The following NOS1AP variants were observed in gnomAD, a reference collection of about 807,000 sequenced individuals.
NOS1AP encodes carboxyl-terminal PDZ ligand of neuronal nitric oxide synthase protein.
NOS1AP carries 21 observed loss-of-function variants against 56.2 expected under a neutral mutation model. The ratio of observed to expected loss-of-function variants is 0.37; its 90% confidence interval spans 0.26 to 0.54. The LOEUF is 0.54. Ranked by LOEUF, NOS1AP falls within the 20% of genes least tolerant of loss-of-function variation. NOS1AP has a pLI of 0.84. For missense variants in NOS1AP, 522 were observed against 657.8 expected (o/e 0.79, Z 2.26); for synonymous variants, 270 against 274.6 (o/e 0.98, Z 0.17).
At chr1:162,131,734 AT>A (rs942019218) in intron 1 of NOS1AP, among the ~76,000 whole-genome samples, 4 of 149,148 alleles carry the variant, frequency 2.7e-5, no homozygotes, top group Admixed American at 1.3e-4. Context: ...ATAAGGCGGC[AT>A]TTTTTTTTTC....
intron 2 of NOS1AP, among the ~76,000 whole-genome samples, chr1:162,246,709 C>A (rs1320774793): frequency 6.6e-6 from 1 of 152,116 alleles, no homozygotes; most frequent in East Asian, 1.9e-4. Context: ...CTCTTGGCCT[C>A]AGTTTTTTAA....
At chr1:162,168,035 T>G (rs1316715772) in intron 2 of NOS1AP, among the ~76,000 whole-genome samples, 1 of 151,558 alleles carries the variant, frequency 6.6e-6, no homozygotes, top group Non-Finnish European at 1.5e-5. Context: ...ATAGCAAGTC[T>G]ACATTGATGT....
At chr1:162,187,225 C>T (rs1651466375) in intron 2 of NOS1AP, among the ~76,000 whole-genome samples, 1 of 152,148 alleles carries the variant, frequency 6.6e-6, no homozygotes, top group South Asian at 2.1e-4. Context: ...CCTAGGCCTC[C>T]CAAAGTGCTA....
intron 2 of NOS1AP, among the ~76,000 whole-genome samples, chr1:162,259,305 T>C (rs913495536): frequency 6.6e-6 from 1 of 152,222 alleles, no homozygotes; most frequent in Non-Finnish European, 1.5e-5. Flanking sequence ...TTGCAAACCC[T>C]TGACAGAATG....
intron 4 of NOS1AP, among the ~76,000 whole-genome samples, chr1:162,319,530 C>G (rs1656343164): frequency 6.6e-6 from 1 of 152,182 alleles, no homozygotes; most frequent in Non-Finnish European, 1.5e-5. Flanking sequence ...CCTGCAATCC[C>G]TGTACCCAGG....
At chr1:162,181,031 ACAGTGCAATTTC>A (rs1651240267) in intron 2 of NOS1AP, among the ~76,000 whole-genome samples, 1 of 152,236 alleles carries the variant, frequency 6.6e-6, no homozygotes, top group African/African-American at 2.4e-5. Flanking sequence ...ATCTGGCAGT[ACAGTGCAATTTC>A]CATGCAAATG....
intron 1 of NOS1AP, among the ~76,000 whole-genome samples, chr1:162,097,586 A>G (rs912374205): frequency 6.6e-6 from 1 of 152,092 alleles, no homozygotes; most frequent in Admixed American, 6.5e-5. Context: ...TTTTTTCTCT[A>G]TGTAGATAAC....
chr1:162,327,751 A>C (rs1421796437), intron 4 of NOS1AP, among the ~76,000 whole-genome samples: 1 of 152,234 alleles, frequency 6.6e-6, no homozygotes, highest in Non-Finnish European at 1.5e-5. Context: ...TAGGGCATAG[A>C]AAATATTTAT....
At chr1:162,330,841 C>T (rs760740360) in intron 4 of NOS1AP, among the ~76,000 whole-genome samples, 3 of 152,126 alleles carry the variant, frequency 2.0e-5, no homozygotes, top group Non-Finnish European at 2.9e-5. Flanking sequence ...AAGAGAAAAA[C>T]ATAAATCAGA....
At chr1:162,177,012 G>A (rs975288203) in intron 2 of NOS1AP, among the ~76,000 whole-genome samples, 1 of 152,160 alleles carries the variant, frequency 6.6e-6, no homozygotes, top group African/African-American at 2.4e-5. Flanking sequence ...CTGCCTTTCA[G>A]CATCTACCTC....
intron 2 of NOS1AP, among the ~76,000 whole-genome samples, chr1:162,265,436 T>A (rs1267197432): frequency 2.7e-5 from 4 of 145,802 alleles, no homozygotes; most frequent in Non-Finnish European, 1.5e-5. Flanking sequence ...TGTCCATGTG[T>A]TCTCATTGTT....
chr1:162,139,743 AC>A (rs1170334232), intron 1 of NOS1AP, among the ~76,000 whole-genome samples: 1 of 152,138 alleles, frequency 6.6e-6, no homozygotes, highest in African/African-American at 2.4e-5. Flanking sequence ...ACAAATCTGT[AC>A]CCTTGCTGTG....
At chr1:162,123,963 C>T (rs532085134) in intron 1 of NOS1AP, among the ~76,000 whole-genome samples, 10 of 152,256 alleles carry the variant, frequency 6.6e-5, no homozygotes, top group African/African-American at 2.2e-4. Context: ...ATTATCTTCT[C>T]TACAGACTTT....
intron 2 of NOS1AP, among the ~76,000 whole-genome samples, chr1:162,233,233 C>G (rs1264872881): frequency 6.6e-6 from 1 of 152,174 alleles, no homozygotes; most frequent in African/African-American, 2.4e-5. Context: ...ATATATGGAA[C>G]CCCTGGTGTT....
chr1:162,153,865 A>G (rs900011687), intron 1 of NOS1AP, among the ~76,000 whole-genome samples: 11 of 152,234 alleles, frequency 7.2e-5, no homozygotes, highest in Non-Finnish European at 1.5e-4. Flanking sequence ...TAAATAAATT[A>G]ATTCATTTCT....
chr1:162,199,810 C>T lies in NOS1AP; in HGVS notation c.177+45334C>T, dbSNP rs111757370. On this transcript the variant is annotated intron_variant, in intron 2 of 9. Transcript: ENST00000361897. ...CACATAATTCTGGGTTTGAGGACCACGCAGTGGACTGGCTTAATTGTTTGA... is the reference window on the plus strand; with the variant it reads ...CACATAATTCTGGGTTTGAGGACCATGCAGTGGACTGGCTTAATTGTTTGA... Among the ~76,000 whole-genome samples the T allele has an allele frequency of 9.3e-3, 1,421 of 152,256 alleles. 23 individuals carry two copies. Among genetic ancestry groups the T allele is most frequent in the African/African-American group, 0.032 (1,349 of 41,552 alleles).
At chr1:162,150,021 A>G (rs186345702) in intron 1 of NOS1AP, among the ~76,000 whole-genome samples, 91 of 152,290 alleles carry the variant, frequency 6.0e-4, no homozygotes, top group Admixed American at 4.1e-3. Context: ...TTAAATGTAC[A>G]ATAAGTTATT....
chr1:162,151,968 G>A (rs1649729086), intron 1 of NOS1AP, among the ~76,000 whole-genome samples: 1 of 152,074 alleles, frequency 6.6e-6, no homozygotes, highest in African/African-American at 2.4e-5. Flanking sequence ...AGTTACTTGT[G>A]GGGTGAAGAT....
chr1:162,362,366 G>A (rs895440434), intron 8 of NOS1AP, among the ~76,000 whole-genome samples: 30 of 151,742 alleles, frequency 2.0e-4, no homozygotes, highest in Admixed American at 1.1e-3. Context: ...CAGGAGAATC[G>A]CTTGAACCCA....
Sources: gnomAD v4.1 joint callset for allele counts (sites outside exome capture counted in the v4.1 genomes callset) on GRCh38, gnomAD v4.1.1 for gene constraint, MANE v1.5 for transcripts, NCBI Gene and HGNC (gene_info 2026-07-23, HGNC 2026-07-21) for gene names.